The following TBC1D19 variants were observed in gnomAD, a reference collection of about 807,000 sequenced individuals.
The protein encoded by TBC1D19 is TBC1 domain family, member 19.
Under a neutral mutation model 89.0 loss-of-function variants are expected in TBC1D19, and 60 were observed. The ratio of observed to expected loss-of-function variants is 0.67; its 90% CI spans 0.55 to 0.84. The LOEUF (loss-of-function observed/expected upper bound fraction) is 0.84, where lower values mean the gene tolerates loss of function less well. Among genes scored for constraint, TBC1D19 ranks in the 40% least tolerant of loss-of-function variants. The probability of loss-of-function intolerance (pLI) is 0.00; values close to 1 mark genes in which losing one functional copy is unlikely to be tolerated. For missense variants in TBC1D19, 500 were observed against 610.8 expected, an observed-to-expected ratio of 0.82 and a Z score of 1.91; for synonymous variants, 189 against 199.7, an observed-to-expected ratio of 0.95 and a Z score of 0.45.
At chr4:26,613,007 A>G (rs1741476775) in intron 1 of TBC1D19, among the ~76,000 whole-genome samples, 162 bp from the exon 2 acceptor site, 2 of 151,978 alleles carry the variant, frequency 1.3e-5, no homozygotes, top group Admixed American at 6.6e-5. Flanking sequence ...GCTATTCTAG[A>G]TAGTTCTAAG....
In TBC1D19 at chr4:26,584,145, T is replaced by C; in HGVS notation, c.-49T>C. 2 of 1,580,322 alleles carry C rather than the reference T, an allele frequency of 1.3e-6. No homozygotes were observed. Among genetic ancestry groups the C allele is most frequent in the Non-Finnish European group, 1.7e-6 (2 of 1,161,492 alleles). On this transcript the variant is annotated 5_prime_UTR_variant, in exon 1 of 21. Coordinates refer to ENST00000264866, the MANE Select transcript of TBC1D19 (RefSeq NM_018317.4). ...GAGTGGGACCCGGTAGCCCGTTCGC[T>C]CCGCGCCGGCGGCCTGTCCCCGCGG...
intron 7 of TBC1D19, among the ~76,000 whole-genome samples, chr4:26,650,400 T>C (rs1340146307): frequency 3.4e-4 from 51 of 152,186 alleles, no homozygotes; most frequent in African/African-American, 8.4e-4. Context: ...TTAATGATCC[T>C]CATTCTAACT....
At chr4:26,711,073 T>C (rs1474647320) in intron 13 of TBC1D19, among the ~76,000 whole-genome samples, 1 of 152,230 alleles carries the variant, frequency 6.6e-6, no homozygotes, top group Non-Finnish European at 1.5e-5. Flanking sequence ...TTGCCATTGC[T>C]TTTGGCGTTT....
At chr4:26,585,276 C>T in intron 1 of TBC1D19, 1 of 394,598 alleles carries the variant, frequency 2.5e-6, no homozygotes, top group Non-Finnish European at 5.0e-6. Flanking sequence ...CTGAGAGTTC[C>T]AATTGTTTTG....
At position 26,735,438 on chromosome 4, in the gene TBC1D19, T is replaced by C; in HGVS notation, c.1085-17T>C. 1 of 1,397,712 alleles carries C rather than the reference T, an allele frequency of 7.2e-7. No individual in the cohort carries two copies. The highest frequency in any genetic ancestry group is 9.4e-7 in the Non-Finnish European group (1 of 1,064,216). 86.6% of individuals were successfully genotyped at this position (1,397,712 alleles called of 1,614,324 possible). A position where few individuals can be genotyped will look rare whatever the true frequency, so the allele number is the denominator to read the frequency against. ...AGGCCTACTACTTATTGAAAAGAAA[T>C]ACCTTTTTTTTTTTAGGTGTTATCC... On this transcript the variant is annotated splice_polypyrimidine_tract_variant and intron_variant, in intron 15 of 20. Coordinates refer to ENST00000264866, the MANE Select transcript of TBC1D19 (RefSeq NM_018317.4).
At chr4:26,842,742 A>G in the TBC1D19 span, among the ~76,000 whole-genome samples, 71 of 150,916 alleles carry the variant, frequency 4.7e-4, no homozygotes, top group South Asian at 0.014. Flanking sequence ...GGCTCAAGCA[A>G]TTTGCCTGCC....
chr4:26,638,645 T>A (rs371297454), intron 5 of TBC1D19, 126 bp from the exon 6 acceptor site: 1 of 696,754 alleles, frequency 1.4e-6, no homozygotes, highest in African/African-American at 1.8e-5. Flanking sequence ...ATTCAACATG[T>A]TTAATGAAAT....
chr4:26,587,291 T>C (rs1012581957), intron 1 of TBC1D19, among the ~76,000 whole-genome samples: 4 of 152,088 alleles, frequency 2.6e-5, no homozygotes, highest in African/African-American at 9.7e-5. Context: ...AAGATACTGG[T>C]TTGTGGCCAG....
the TBC1D19 span, among the ~76,000 whole-genome samples, chr4:26,847,777 T>A: frequency 3.9e-5 from 6 of 152,190 alleles, no homozygotes; most frequent in Admixed American, 3.9e-4. Context: ...TGATGTTTGC[T>A]TGTACCAGAG....
chr4:26,586,226 T>G (rs1401530876), intron 1 of TBC1D19, among the ~76,000 whole-genome samples: 1 of 151,022 alleles, frequency 6.6e-6, no homozygotes, highest in East Asian at 1.9e-4. Context: ...ACTGATTTGC[T>G]GAAAAACCTA....
chr4:26,732,034 T>G (rs542497622), intron 15 of TBC1D19, among the ~76,000 whole-genome samples: 1 of 152,300 alleles, frequency 6.6e-6, no homozygotes, highest in African/African-American at 2.4e-5. Context: ...TCCTTCCTAT[T>G]TTTTCTTCTT....
chr4:26,640,228 A>T (rs373816790), intron 7 of TBC1D19, 41 bp downstream of exon 7: 2 of 1,426,878 alleles, frequency 1.4e-6, no homozygotes, highest in African/African-American at 2.8e-5. Flanking sequence ...TAATGAATGA[A>T]TAATGTGAAT....
At chr4:26,609,347 T>C (rs544506030) in intron 1 of TBC1D19, among the ~76,000 whole-genome samples, 10 of 152,176 alleles carry the variant, frequency 6.6e-5, no homozygotes, top group East Asian at 5.8e-4. Context: ...GTCAGAAAGA[T>C]AAATAGGTGA....
chr4:26,851,015 C>T, the TBC1D19 span, among the ~76,000 whole-genome samples: 5 of 152,312 alleles, frequency 3.3e-5, no homozygotes, highest in East Asian at 9.6e-4. Flanking sequence ...AGGGCAAATT[C>T]TGTTTCTTTC....
At chr4:26,796,756 T>C in the TBC1D19 span, among the ~76,000 whole-genome samples, 4 of 152,234 alleles carry the variant, frequency 2.6e-5, no homozygotes, top group African/African-American at 9.6e-5. Context: ...TGAACAGATG[T>C]AATAATATAT....
chr4:26,685,858 C>A (rs1196891967), intron 12 of TBC1D19, among the ~76,000 whole-genome samples: 1 of 152,032 alleles, frequency 6.6e-6, no homozygotes, highest in Admixed American at 6.6e-5. Flanking sequence ...GAAACTCACA[C>A]GTGAAAAAGC....
the TBC1D19 span, among the ~76,000 whole-genome samples, chr4:26,821,767 C>T: frequency 6.6e-6 from 1 of 152,206 alleles, no homozygotes; most frequent in Admixed American, 6.5e-5. Flanking sequence ...GCTGGAAGTC[C>T]CTGTCCCTGT....
At chr4:26,655,149 T>C (rs541003549) in intron 7 of TBC1D19, among the ~76,000 whole-genome samples, 57 of 152,302 alleles carry the variant, frequency 3.7e-4, no homozygotes, top group African/African-American at 1.3e-3. Context: ...CCAGACCCTA[T>C]TTGCCTGGGT....
At chr4:26,839,793 T>C in the TBC1D19 span, among the ~76,000 whole-genome samples, 2 of 152,176 alleles carry the variant, frequency 1.3e-5, no homozygotes, top group African/African-American at 4.8e-5. Flanking sequence ...TTCTGCGGCA[T>C]TGCACATGCA....
Sources: allele counts gnomAD v4.1 joint callset (sites outside exome capture counted in the v4.1 genomes callset), GRCh38; gene constraint gnomAD v4.1.1; transcripts MANE v1.5; gene names NCBI Gene and HGNC (gene_info 2026-07-23, HGNC 2026-07-21).